The following HPS5 variants were observed in gnomAD, a reference collection of about 807,000 sequenced individuals.
HPS5 encodes HPS5 biogenesis of lysosomal organelles complex 2 subunit 2.
A neutral mutation model predicts 128.0 loss-of-function variants in HPS5; 83 were observed. That is an observed-to-expected ratio of 0.65 (90% CI 0.54 to 0.78). The LOEUF is 0.78. HPS5 is among the 30% of genes least tolerant of loss of function. The pLI is 0.00. For missense variants in HPS5, 1,281 were observed against 1,326.2 expected, an observed-to-expected ratio of 0.97 and a Z score of 0.53; for synonymous variants, 475 against 470.2, an observed-to-expected ratio of 1.01 and a Z score of -0.13.
At chr11:18,281,147 G>C (rs1386623435) in intron 22 of HPS5, among the ~76,000 whole-genome samples, 1 of 149,428 alleles carries the variant, frequency 6.7e-6, no homozygotes, top group African/African-American at 2.5e-5. Flanking sequence ...GCGTGATCTT[G>C]GCTCACTGCA....
At chr11:18,319,294 C>CACACAT (rs1491588955) in intron 1 of HPS5, among the ~76,000 whole-genome samples, 1 of 103,386 alleles carries the variant, frequency 9.7e-6, no homozygotes, top group African/African-American at 3.0e-5. Flanking sequence ...CACACACACA[C>CACACAT]ATCTTATAAG....
intron 2 of HPS5, 49 bp downstream of exon 2, chr11:18,317,702 A>G (rs1238698099): frequency 1.3e-6 from 2 of 1,582,744 alleles, no homozygotes; most frequent in East Asian, 4.5e-5. Flanking sequence ...GGGGCACAGT[A>G]ACAGAGAGCA....
At chr11:18,306,514 A>C (rs918863158) in intron 6 of HPS5, among the ~76,000 whole-genome samples, 167 bp from the exon 7 acceptor site, 1 of 152,198 alleles carries the variant, frequency 6.6e-6, no homozygotes, top group Non-Finnish European at 1.5e-5. Context: ...TCAAAATAGG[A>C]TTCTGGCTCT....
intron 1 of HPS5, among the ~76,000 whole-genome samples, chr11:18,319,555 G>GA (rs1306354819): frequency 2.0e-5 from 3 of 152,146 alleles, no homozygotes; most frequent in Non-Finnish European, 4.4e-5. Context: ...ACGGAATAAT[G>GA]AAAGATAAAG....
At chr11:18,283,065 G>A (rs761922605) in intron 21 of HPS5, among the ~76,000 whole-genome samples, 6 of 152,056 alleles carry the variant, frequency 3.9e-5, no homozygotes, top group Admixed American at 2.0e-4. Flanking sequence ...GCAGTGGTGC[G>A]ATCTCAGCTC....
intron 2 of HPS5, among the ~76,000 whole-genome samples, chr11:18,313,810 A>T (rs534737063): frequency 7.9e-4 from 119 of 151,174 alleles, no homozygotes; most frequent in African/African-American, 2.0e-3. Context: ...GCTACTTGGG[A>T]GGCTGAGGCA....
At chr11:18,281,256 T>TTA in intron 22 of HPS5, among the ~76,000 whole-genome samples, 1 of 128,448 alleles carries the variant, frequency 7.8e-6, no homozygotes, top group East Asian at 3.6e-4. Context: ...TTTTTTTGCA[T>TTA]TTTTTTTTTT....
intron 21 of HPS5, among the ~76,000 whole-genome samples, chr11:18,282,830 T>C (rs951218187): frequency 6.6e-6 from 1 of 152,018 alleles, no homozygotes; most frequent in Non-Finnish European, 1.5e-5. Context: ...GGAAGTGACA[T>C]TGAAGCAGAA....
chr11:18,288,878 A>ATG (rs1336720658), intron 16 of HPS5, among the ~76,000 whole-genome samples: 5 of 149,922 alleles, frequency 3.3e-5, no homozygotes, highest in East Asian at 3.9e-4. Context: ...GGGTGTGTGC[A>ATG]TGTGTGTGTG....
At chr11:18,306,089 T>C (rs200106096) in intron 7 of HPS5, 46 bp downstream of exon 7, 89 of 1,293,536 alleles carry the variant, frequency 6.9e-5, no homozygotes, top group Admixed American at 4.5e-4. Context: ...CGAACCTCTA[T>C]ATAGAAGCTC....
chr11:18,319,829 T>G (rs564430804), intron 1 of HPS5, among the ~76,000 whole-genome samples: 2 of 152,166 alleles, frequency 1.3e-5, no homozygotes, highest in Non-Finnish European at 2.9e-5. Context: ...ACGTTATTAT[T>G]GGGGAGACTC....
At chr11:18,307,930 A>T (rs1482342358) in intron 6 of HPS5, among the ~76,000 whole-genome samples, 1 of 152,222 alleles carries the variant, frequency 6.6e-6, no homozygotes, top group Non-Finnish European at 1.5e-5. Flanking sequence ...ATCCAACTTT[A>T]GTTATGAAAT....
At position 18,279,649 on chromosome 11, in the gene HPS5, TCAACTTTGGTTAAGAAATGCTGAGTA is replaced by T. The variant is rs1858612350; in HGVS notation, c.*207_*232del. ...AACAAGGACTGACTCTTTTCAAAATTCAACTTTGGTTAAGAAATGCTGAGTACAACTTTGGTTAAGAAACACTGAGG... is the reference window on the plus strand; with the variant it reads ...AACAAGGACTGACTCTTTTCAAAATTCAACTTTGGTTAAGAAACACTGAGG... On this transcript the variant is annotated 3_prime_UTR_variant, in exon 23 of 23. Transcript: ENST00000349215. The T allele has an allele frequency of 1.1e-5, 6 of 565,926 alleles. No homozygotes were observed. Among genetic ancestry groups the T allele is most frequent in the Non-Finnish European group, 1.9e-5 (6 of 316,426 alleles). 35.1% of individuals were successfully genotyped at this position (565,926 alleles called of 1,614,324 possible). A position where few individuals can be genotyped will look rare whatever the true frequency, so the allele number is the denominator to read the frequency against.
chr11:18,298,931 C>T lies in HPS5; in HGVS notation c.1025G>A (p.Cys342Tyr). 1 of 1,614,214 alleles carries T rather than the reference C, an allele frequency of 6.2e-7. No individual in the cohort carries two copies. Among genetic ancestry groups the T allele is most frequent in the Non-Finnish European group, 8.5e-7 (1 of 1,180,034 alleles). The change falls in exon 10 of 23, where the codon TGT (cysteine) becomes TAT (tyrosine). Residue 342 changes from cysteine (C) to tyrosine (Y), a missense_variant. Transcript: ENST00000349215. ...DVAVCRNELF[C>Y]LHLNGKVSHL... ...TGAGACTTTCCCATTTAGGTGCAAA[C>T]AGAACAATTCATTCCTACAGACAGC...
At chr11:18,281,784 T>C in intron 22 of HPS5, 166 bp downstream of exon 22, 1 of 789,126 alleles carries the variant, frequency 1.3e-6, no homozygotes. Context: ...GTCATGGCTG[T>C]GAATGAAATA....
intron 12 of HPS5, chr11:18,296,410 A>G (rs1861071868): frequency 1.8e-6 from 1 of 540,956 alleles, no homozygotes; most frequent in Non-Finnish European, 3.3e-6. Flanking sequence ...GTTCAGCCAC[A>G]GGAATACTCG....
intron 15 of HPS5, 96 bp from the exon 16 acceptor site, chr11:18,292,115 ACTC>A (rs1860479456): frequency 1.1e-6 from 1 of 884,046 alleles, no homozygotes; most frequent in Non-Finnish European, 1.8e-6. Flanking sequence ...AATGTAACAT[ACTC>A]ATCTGGAATA....
Position 18,279,775 on chromosome 11 carries a change from G to T in HPS5, c.*107C>A. ...AAAAGTAGCCCCAATAAGATGGCAGGATTTGGGGGTGGTGTCTTTCCTTCA... is the reference window on the plus strand; with the variant it reads ...AAAAGTAGCCCCAATAAGATGGCAGTATTTGGGGGTGGTGTCTTTCCTTCA... On this transcript the variant is annotated 3_prime_UTR_variant, in exon 23 of 23. Coordinates refer to ENST00000349215, the MANE Select transcript of HPS5 (RefSeq NM_181507.2). 9.4e-7 allele frequency: 1 copy of T among 1,064,002 alleles called. No individual in the cohort carries two copies. The highest frequency in any genetic ancestry group is 1.9e-5 in the Admixed American group (1 of 52,654). The allele number at this position is 1,064,002 out of a possible 1,614,324, so 65.9% of individuals were successfully genotyped here. A position where few individuals can be genotyped will look rare whatever the true frequency, so the allele number is the denominator to read the frequency against.
rs773760510 is a variant in HPS5, at chr11:18,279,844, T to G, written c.*38A>C. On this transcript the variant is annotated 3_prime_UTR_variant, in exon 23 of 23. Coordinates refer to ENST00000349215, the MANE Select transcript of HPS5 (RefSeq NM_181507.2). ...AGGTTCAGGAGCATGATTTAGTTTT[T>G]CTCAAAATGTCATGACATCCTGCTG... 8 of 1,592,060 alleles carry G rather than the reference T, an allele frequency of 5.0e-6. No individual in the cohort carries two copies. In the Admixed American group the frequency reaches 1.3e-4, roughly 27 times the overall value.
Sources: allele counts gnomAD v4.1 joint callset (sites outside exome capture counted in the v4.1 genomes callset), GRCh38; gene constraint gnomAD v4.1.1; transcripts MANE v1.5; gene names NCBI Gene and HGNC (gene_info 2026-07-23, HGNC 2026-07-21).